Variants in ZNF273 observed in about 807,000 individuals in gnomAD.
The protein encoded by ZNF273 is zinc finger protein 273.
In ZNF273, 11 loss-of-function variants were observed where a neutral mutation model predicts 14.9. The observed-to-expected ratio is 0.74, with a 90% CI of 0.46 to 1.22. The LOEUF is 1.22. ZNF273 is among the 50% of genes most tolerant of loss of function. The pLI, the probability that ZNF273 is intolerant of heterozygous loss-of-function variation, is 0.00. For missense variants in ZNF273, 577 were observed against 660.6 expected, an observed-to-expected ratio of 0.87 and a Z score of 1.39; for synonymous variants, 199 against 223.9, an observed-to-expected ratio of 0.89 and a Z score of 0.99.
chr7:64,915,161 A>G (rs1793881183), intron 1 of ZNF273, among the ~76,000 whole-genome samples: 1 of 139,826 alleles, frequency 7.2e-6, no homozygotes, highest in Non-Finnish European at 1.6e-5. Context: ...GTGGCTTCTT[A>G]TATTCCATGC....
chr7:64,921,631 TTTTTTTG>T (rs1454397241), intron 3 of ZNF273, among the ~76,000 whole-genome samples: 4 of 31,860 alleles, frequency 1.3e-4, no homozygotes, highest in African/African-American at 4.9e-4. Context: ...TTTTTTTTTT[TTTTTTTG>T]TGTGTGAGAC....
chr7:64,934,718 G>A (rs1404754717), downstream of ZNF273, among the ~76,000 whole-genome samples: 3 of 151,874 alleles, frequency 2.0e-5, no homozygotes, highest in African/African-American at 2.4e-5. Context: ...TAGCTTGGTA[G>A]TATATTTCAA....
chr7:64,898,608 C>T (rs1792502389), upstream of ZNF273, among the ~76,000 whole-genome samples: 2 of 152,130 alleles, frequency 1.3e-5, no homozygotes, highest in African/African-American at 2.4e-5. Context: ...TACTAAAAGC[C>T]TTTGTGAGGT....
chr7:64,903,532 C>G, intron 1 of ZNF273, 113 bp downstream of exon 1: 1 of 1,088,514 alleles, frequency 9.2e-7, no homozygotes, highest in Non-Finnish European at 1.4e-6. Flanking sequence ...AAATCCGCGG[C>G]CAGGAGTTCT....
At chr7:64,888,741 C>T (rs1451192810) in exon 2 of ZNF273, 1 of 985,724 alleles carries the variant, frequency 1.0e-6, no homozygotes, top group Admixed American at 6.2e-5. Flanking sequence ...CGTTCACACC[C>T]AGCCCCGCAG....
In ZNF273 at chr7:64,929,397, CAG is replaced by C. The variant is rs1794922258; in HGVS notation, c.*363_*364del. On this transcript the variant is annotated 3_prime_UTR_variant, in exon 4 of 4. Transcript: ENST00000476120. ...AGATCTTATTGTACACATTTTGTAC[CAG>C]AGAAAAACCCTGAAGCAGTTGTTCA... 1 of 156,444 alleles carries C rather than the reference CAG, an allele frequency of 6.4e-6. No individual in the cohort carries two copies. The highest frequency in any genetic ancestry group is 1.4e-5 in the Non-Finnish European group (1 of 71,160). The allele number at this position is 156,444 out of a possible 1,614,324, so 9.7% of individuals were successfully genotyped here.
chr7:64,902,068 T>C (rs1248197297), upstream of ZNF273, among the ~76,000 whole-genome samples: 1 of 148,556 alleles, frequency 6.7e-6, no homozygotes, highest in Non-Finnish European at 1.5e-5. Flanking sequence ...TATATTATTA[T>C]ATACAATAAT....
chr7:64,922,623 A>AT (rs1794552895), intron 3 of ZNF273, among the ~76,000 whole-genome samples: 1 of 151,370 alleles, frequency 6.6e-6, no homozygotes, highest in Non-Finnish European at 1.5e-5. Flanking sequence ...GTTTCTTTGT[A>AT]TTTTTTGTAG....
chr7:64,890,835 T>C (rs1791983900), downstream of ZNF273, among the ~76,000 whole-genome samples: 1 of 152,222 alleles, frequency 6.6e-6, no homozygotes, highest in Non-Finnish European at 1.5e-5. Flanking sequence ...AGCTCAGAAG[T>C]GGCTGAGGTG....
Position 64,918,271 on chromosome 7 carries a change from G to T in ZNF273, c.304G>T (p.Ala102Ser), listed in dbSNP as rs138060957. 1.3e-6 allele frequency: 2 copies of T among 1,565,128 alleles called. No individual in the cohort carries two copies. The highest frequency in any genetic ancestry group is 1.7e-6 in the Non-Finnish European group (2 of 1,151,386). ...AGAGCCCTGCAATATGAAGAGACAT[G>T]CGATGGTAGCCAAACCCCCAGGTAG... ...GKEPCNMKRH[A>S]MVAKPPVVCS... Residue 102 changes from alanine (A) to serine (S), a missense_variant, in exon 3 of 4, where the codon GCG (alanine) becomes TCG (serine). Ala to Ser is a moderately conservative substitution (Grantham distance 99). Transcript: ENST00000476120.
intron 3 of ZNF273, among the ~76,000 whole-genome samples, chr7:64,925,590 A>C (rs1322278978): frequency 6.6e-6 from 1 of 152,044 alleles, no homozygotes; most frequent in East Asian, 1.9e-4. Flanking sequence ...GGCGCGCGCC[A>C]CCATGCCTGG....
intron 2 of ZNF273, chr7:64,878,542 C>T (rs1791173432): frequency 6.6e-6 from 1 of 152,282 alleles, no homozygotes; most frequent in South Asian, 2.1e-4. Context: ...CGAACCTTCC[C>T]CTTCAGGAGA....
chr7:64,904,816 A>G (rs187214471), intron 1 of ZNF273, among the ~76,000 whole-genome samples: 5 of 152,240 alleles, frequency 3.3e-5, no homozygotes, highest in African/African-American at 1.2e-4. Flanking sequence ...CCTCTTTTTA[A>G]AATAATCTTC....
chr7:64,885,012 C>T (rs35037176), intron 1 of ZNF273, among the ~76,000 whole-genome samples: 63,441 of 152,140 alleles, frequency 0.42, 13,458 homozygotes, highest in South Asian at 0.45. Flanking sequence ...GATTCGCATG[C>T]GCCAGTCGCG....
chr7:64,921,637 T>TTTTG (rs750737426), intron 3 of ZNF273, among the ~76,000 whole-genome samples: 8 of 29,578 alleles, frequency 2.7e-4, no homozygotes, highest in African/African-American at 1.2e-3. Context: ...TTTTTTTTTT[T>TTTTG]GTGTGTGAGA....
chr7:64,921,605 CTTTTTTTTTTTTTTTTTTT>C (rs752363426), intron 3 of ZNF273, among the ~76,000 whole-genome samples: 17 of 57,970 alleles, frequency 2.9e-4, no homozygotes, highest in Middle Eastern at 0.017. Context: ...CATGCTAATG[CTTTTTTTTTTTTTTTTTTT>C]TTTTTTTTTT....
chr7:64,928,839 A>G lies in ZNF273; in HGVS notation c.1511A>G (p.His504Arg), dbSNP rs768006920. 9.9e-6 allele frequency: 16 copies of G among 1,613,968 alleles called. No homozygotes were observed. The highest frequency in any genetic ancestry group is 2.2e-5 in the East Asian group (1 of 44,856). Residue 504 changes from histidine (H) to arginine (R), a missense_variant, in exon 4 of 4, where the codon CAT (histidine) becomes CGT (arginine). His to Arg is a conservative substitution (Grantham distance 29). Coordinates refer to ENST00000476120, the MANE Select transcript of ZNF273 (RefSeq NM_021148.3). ...AACTGGTCCTCAACTCTTACTAAACATAAGAGAATTCATACTGGAGAGAAG... is the reference window on the plus strand; with the variant it reads ...AACTGGTCCTCAACTCTTACTAAACGTAAGAGAATTCATACTGGAGAGAAG... Reference protein sequence around the residue: ...AFNWSSTLTKHKRIHTGEKPY... With the variant: ...AFNWSSTLTKRKRIHTGEKPY...
intron 3 of ZNF273, among the ~76,000 whole-genome samples, chr7:64,922,330 GT>G (rs1421076645): frequency 1.5e-4 from 22 of 145,506 alleles, no homozygotes; most frequent in African/African-American, 4.3e-4. Flanking sequence ...TTGTTTTTTT[GT>G]TTTTTTTTTC....
upstream of ZNF273, among the ~76,000 whole-genome samples, chr7:64,898,903 A>G (rs962337429): frequency 6.6e-6 from 1 of 152,230 alleles, no homozygotes; most frequent in Admixed American, 6.5e-5. Context: ...AGCTAATGGC[A>G]TTTGTTCCCC....
Sources: gnomAD v4.1 joint callset for allele counts (sites outside exome capture counted in the v4.1 genomes callset) on GRCh38, gnomAD v4.1.1 for gene constraint, MANE v1.5 for transcripts, NCBI Gene and HGNC (gene_info 2026-07-23, HGNC 2026-07-21) for gene names.